The following YWHAQ variants were observed in gnomAD, a reference collection of about 807,000 sequenced individuals.
YWHAQ encodes the protein 14-3-3 protein theta.
Under a neutral mutation model 28.3 loss-of-function variants are expected in YWHAQ, and 6 were observed. The observed-to-expected ratio is 0.21, with a 90% CI of 0.12 to 0.42. YWHAQ has a LOEUF of 0.42. Among genes scored for constraint, YWHAQ ranks in the 10% least tolerant of loss-of-function variants. The probability of loss-of-function intolerance (pLI) is 1.00; values close to 1 mark genes in which losing one functional copy is unlikely to be tolerated. For synonymous variants in YWHAQ, 143 were observed against 119.1 expected (o/e 1.20, Z -1.31); for missense variants, 201 against 305.6 (o/e 0.66, Z 2.55).
At chr2:9,595,358 A>G (rs1246118288) in intron 2 of YWHAQ, among the ~76,000 whole-genome samples, 2 of 152,206 alleles carry the variant, frequency 1.3e-5, no homozygotes, top group African/African-American at 4.8e-5. Flanking sequence ...AACACGGATC[A>G]GAGACCAAAA....
intron 2 of YWHAQ, among the ~76,000 whole-genome samples, chr2:9,623,348 C>A (rs1295792480): frequency 6.6e-6 from 1 of 152,218 alleles, no homozygotes; most frequent in Non-Finnish European, 1.5e-5. Context: ...CTGGAAAAAA[C>A]CGCACATCTT....
intron 2 of YWHAQ, among the ~76,000 whole-genome samples, chr2:9,624,032 G>T (rs563747958): frequency 6.6e-5 from 10 of 152,280 alleles, no homozygotes; most frequent in Non-Finnish European, 1.5e-4. Flanking sequence ...ACTCTGGGTG[G>T]ATTGCTTGAG....
intron 2 of YWHAQ, among the ~76,000 whole-genome samples, chr2:9,616,117 G>A (rs1667036788): frequency 6.6e-6 from 1 of 152,080 alleles, no homozygotes. Context: ...TGTCAACTTG[G>A]CTAGAACACA....
chr2:9,593,160 C>A (rs948831361), intron 2 of YWHAQ, among the ~76,000 whole-genome samples: 13 of 151,186 alleles, frequency 8.6e-5, no homozygotes, highest in African/African-American at 1.2e-4. Context: ...TAAAAATATA[C>A]AATTCTAACC....
intron 2 of YWHAQ, among the ~76,000 whole-genome samples, chr2:9,627,629 A>T (rs1667272864): frequency 6.6e-6 from 1 of 152,196 alleles, no homozygotes; most frequent in African/African-American, 2.4e-5. Context: ...CAGAAGTTCA[A>T]GACCAGCCTG....
chr2:9,591,264 TTTC>T (rs1475410368), intron 3 of YWHAQ, 125 bp downstream of exon 3: 1 of 1,160,190 alleles, frequency 8.6e-7, no homozygotes, highest in African/African-American at 1.5e-5. Flanking sequence ...TAATACTAAT[TTTC>T]TTGACATACA....
At chr2:9,600,272 T>C (rs1666662447) in intron 2 of YWHAQ, among the ~76,000 whole-genome samples, 1 of 152,208 alleles carries the variant, frequency 6.6e-6, no homozygotes, top group Admixed American at 6.5e-5. Context: ...ATTAACACCG[T>C]TGAAATGACA....
chr2:9,609,781 C>T (rs1407750117), intron 2 of YWHAQ, among the ~76,000 whole-genome samples: 1 of 152,150 alleles, frequency 6.6e-6, no homozygotes, highest in Non-Finnish European at 1.5e-5. Context: ...AATTCTGTAA[C>T]CAATTAAAGC....
chr2:9,618,978 C>T (rs1040429568), intron 2 of YWHAQ, among the ~76,000 whole-genome samples: 1 of 152,034 alleles, frequency 6.6e-6, no homozygotes, highest in African/African-American at 2.4e-5. Flanking sequence ...ACAAATTCTA[C>T]TACCACAGCA....
At chr2:9,593,704 T>C (rs868464912) in intron 2 of YWHAQ, among the ~76,000 whole-genome samples, 18 of 151,720 alleles carry the variant, frequency 1.2e-4, no homozygotes, top group Admixed American at 6.6e-4. Flanking sequence ...GGCATACACC[T>C]GTAATCCCAG....
chr2:9,624,015 T>C (rs1232271412), intron 2 of YWHAQ, among the ~76,000 whole-genome samples: 1 of 152,036 alleles, frequency 6.6e-6, no homozygotes, highest in African/African-American at 2.4e-5. Context: ...ACGCCTGTAA[T>C]CTCAGCACTC....
chr2:9,594,061 G>C (rs766877812), intron 2 of YWHAQ, among the ~76,000 whole-genome samples: 1 of 151,500 alleles, frequency 6.6e-6, no homozygotes, highest in Non-Finnish European at 1.5e-5. Flanking sequence ...ATGCATTATA[G>C]AAGTCATGAG....
chr2:9,613,489 T>C (rs912743596), intron 2 of YWHAQ, among the ~76,000 whole-genome samples: 1 of 152,198 alleles, frequency 6.6e-6, no homozygotes, highest in African/African-American at 2.4e-5. Context: ...TCAAGTGGTT[T>C]ATTATTTTTG....
chr2:9,598,530 AC>A (rs1324206871), intron 2 of YWHAQ, among the ~76,000 whole-genome samples: 5 of 151,734 alleles, frequency 3.3e-5, no homozygotes, highest in African/African-American at 1.2e-4. Flanking sequence ...GCCAATTTCC[AC>A]CAGCGTGTGC....
intron 2 of YWHAQ, among the ~76,000 whole-genome samples, chr2:9,607,080 C>T (rs1212423228): frequency 6.6e-6 from 1 of 152,040 alleles, no homozygotes; most frequent in Non-Finnish European, 1.5e-5. Context: ...GATGGGGTTT[C>T]ACCATGTTGG....
intron 2 of YWHAQ, among the ~76,000 whole-genome samples, chr2:9,593,905 A>AATAT (rs199757991): frequency 2.9e-4 from 37 of 127,636 alleles, no homozygotes; most frequent in Non-Finnish European, 4.2e-4. Context: ...GATTAAAAAA[A>AATAT]ATATATATAT....
chr2:9,630,536 T>G lies in YWHAQ; in HGVS notation c.-82-2A>C, dbSNP rs1015795021. The G allele has an allele frequency of 7.4e-7, 1 of 1,342,626 alleles. No individual in the cohort carries two copies. The highest frequency in any genetic ancestry group is 1.5e-5 in the South Asian group (1 of 66,718). The allele number at this position is 1,342,626 out of a possible 1,614,324, so 83.2% of individuals were successfully genotyped here. ...CCGCAGCGGGAGGAGCCTCGAGAGC[T>G]GCGGAGGGGCGGGGCGGCGAGGCGA... On this transcript the variant is annotated splice_acceptor_variant, in intron 1 of 5. Coordinates refer to ENST00000238081, the MANE Select transcript of YWHAQ (RefSeq NM_006826.4). LOFTEE classifies it low-confidence loss of function (5UTR_SPLICE). The surrounding 1 kb of genome is among the most constrained non-coding windows in gnomAD (Gnocchi z 5.6).
intron 2 of YWHAQ, among the ~76,000 whole-genome samples, chr2:9,597,985 ATTTTTTTTTTTT>A (rs547582835): frequency 0.047 from 2,919 of 62,530 alleles, 189 homozygotes; most frequent in African/African-American, 0.16. Flanking sequence ...ATGCCGGGCT[ATTTTTTTTTTTT>A]TTTTTTTTTT....
intron 2 of YWHAQ, among the ~76,000 whole-genome samples, chr2:9,601,424 C>A (rs1053008694): frequency 5.9e-5 from 9 of 152,112 alleles, no homozygotes; most frequent in African/African-American, 1.9e-4. Flanking sequence ...CAGAATTGCA[C>A]CACTGCATTC....
Sources: gnomAD v4.1 joint callset for allele counts (sites outside exome capture counted in the v4.1 genomes callset) on GRCh38, gnomAD v4.1.1 for gene constraint, Gnocchi (gnomAD v3.1) non-coding constraint, MANE v1.5 for transcripts, NCBI Gene and HGNC (gene_info 2026-07-23, HGNC 2026-07-21) for gene names.